Variants in NCAPH2 observed in about 807,000 individuals in gnomAD.
NCAPH2 encodes the protein condensin-2 complex subunit H2.
In NCAPH2, 56 loss-of-function variants were observed where a neutral mutation model predicts 88.6. The ratio of observed to expected loss-of-function variants is 0.63; its 90% CI spans 0.51 to 0.79. NCAPH2 has a LOEUF of 0.79. Ranked by LOEUF, NCAPH2 falls within the 30% of genes least tolerant of loss-of-function variation. The probability of loss-of-function intolerance (pLI) is 0.00; values close to 1 mark genes in which losing one functional copy is unlikely to be tolerated. For missense variants in NCAPH2, 794 were observed against 792.0 expected, an observed-to-expected ratio of 1.00 and a Z score of -0.03; for synonymous variants, 378 against 313.6, an observed-to-expected ratio of 1.21 and a Z score of -2.17.
At position 50,523,100 on chromosome 22, in the gene NCAPH2, T is replaced by C; in HGVS notation, c.1611T>C (p.Phe537=). Residue 537 remains phenylalanine (F), a synonymous_variant, in exon 19 of 20, where the codon TTT becomes TTC. Transcript: ENST00000420993. ...RFPQLNEWCP[F]AELVAGQPAF... Reference sequence around the variant, plus strand: ...CCCAGCTCAATGAGTGGTGTCCCTTTGCGGAGCTGGTGGCTGGCCAGCCGG... The same window carrying C: ...CCCAGCTCAATGAGTGGTGTCCCTTCGCGGAGCTGGTGGCTGGCCAGCCGG... 6.2e-7 allele frequency: 1 copy of C among 1,613,460 alleles called. No individual in the cohort carries two copies. Among genetic ancestry groups the C allele is most frequent in the Non-Finnish European group, 8.5e-7 (1 of 1,179,718 alleles).
chr22:50,522,302 G>A (rs2069127634), intron 14 of NCAPH2, 41 bp from the exon 15 acceptor site: 1 of 1,606,558 alleles, frequency 6.2e-7, no homozygotes, highest in Non-Finnish European at 8.5e-7. Context: ...TGGCCCTGAT[G>A]GGAGGTGACA....
chr22:50,514,720 C>A (rs777027288), intron 1 of NCAPH2, among the ~76,000 whole-genome samples: 2 of 152,218 alleles, frequency 1.3e-5, no homozygotes, highest in Non-Finnish European at 2.9e-5. Flanking sequence ...GAGGTCCTTA[C>A]ACTCCGTAGA....
At position 50,516,488 on chromosome 22, in the gene NCAPH2, A is replaced by G. The variant is rs773238653; in HGVS notation, c.150A>G (p.Thr50=). 5.6e-6 allele frequency: 9 copies of G among 1,614,066 alleles called. No individual in the cohort carries two copies. The East Asian group carries it at 1.8e-4, about 32-fold the overall frequency. The change falls in exon 2 of 20, where the codon ACA becomes ACG. Residue 50 remains threonine, a synonymous_variant. Transcript: ENST00000420993. Reference sequence around the variant, plus strand: ...TTTCTTTTGACGAAGGCAAGACCACAATGAACTTCATTGAGGCAGCGTTGT... The same window carrying G: ...TTTCTTTTGACGAAGGCAAGACCACGATGAACTTCATTGAGGCAGCGTTGT... ...ICISFDEGKT[T]MNFIEAALLI... is the part of the protein sequence containing the mutation.
chr22:50,517,503 C>G (rs1569520546), intron 3 of NCAPH2, 21 bp downstream of exon 3: 1 of 1,614,008 alleles, frequency 6.2e-7, no homozygotes, highest in Non-Finnish European at 8.5e-7. Context: ...CAGCCACTCA[C>G]TGTGCTGCCC....
chr22:50,519,222 G>C lies in NCAPH2; in HGVS notation c.763G>C (p.Gly255Arg). Residue 255 changes from glycine (G) to arginine (R), a missense_variant, in exon 9 of 20, where the codon GGG (glycine) becomes CGG (arginine). Around this residue, in one of 2 missense-constraint regions of NCAPH2, gnomAD observed 735 missense variants for 696.3 expected, o/e 1.06. Coordinates refer to ENST00000420993, the MANE Select transcript of NCAPH2 (RefSeq NM_152299.4). ...PSPEGPMPLGGGEDEDAEEAV... is the reference protein window; with the variant it reads ...PSPEGPMPLGRGEDEDAEEAV... ...TCCAGAAGGCCCGATGCCCCTGGGT[G>C]GGGGCGAGGACGAGGATGCAGAGGA... 1 of 1,610,764 alleles carries C rather than the reference G, an allele frequency of 6.2e-7. No individual in the cohort carries two copies. Among genetic ancestry groups the C allele is most frequent in the South Asian group, 1.1e-5 (1 of 90,420 alleles).
chr22:50,509,404 C>G (rs1037067370), intron 1 of NCAPH2, among the ~76,000 whole-genome samples: 1 of 152,192 alleles, frequency 6.6e-6, no homozygotes, highest in Non-Finnish European at 1.5e-5. Flanking sequence ...TAAACCCCAG[C>G]TTTTCCCATC....
chr22:50,517,519 G>A (rs779301926), intron 3 of NCAPH2, 37 bp downstream of exon 3: 2 of 1,613,948 alleles, frequency 1.2e-6, no homozygotes, highest in Admixed American at 1.7e-5. Flanking sequence ...TGCCCTGCAT[G>A]TGGCCAGGGA....
chr22:50,516,444 C>T lies in NCAPH2; in HGVS notation c.109-3C>T. 6.2e-7 allele frequency: 1 copy of T among 1,613,964 alleles called. No individual in the cohort carries two copies. Among genetic ancestry groups the T allele is most frequent in the Non-Finnish European group, 8.5e-7 (1 of 1,179,828 alleles). On this transcript the variant is annotated splice_region_variant and splice_polypyrimidine_tract_variant and intron_variant, in intron 1 of 19. Transcript: ENST00000420993. ...CCCCCTGTCTTTGTGTTGTTTCTTG[C>T]AGCTGGATCAGATCTGCATTTCTTT...
At position 50,517,744 on chromosome 22, in the gene NCAPH2, C is replaced by T. The variant is rs917909034; in HGVS notation, c.355C>T (p.Leu119=). ...GVPQEAENEF[L]SLDDFPDSRT... ...CACGAGCTCTGTCTCCCTCCAGTTC[C>T]TGTCGCTGGATGACTTCCCTGACTC... The change falls in exon 5 of 20, where the codon CTG becomes TTG. Residue 119 remains leucine (L), a synonymous_variant. Transcript: ENST00000420993. The T allele has an allele frequency of 1.9e-6, 3 of 1,614,076 alleles. No individual in the cohort carries two copies. The highest frequency in any genetic ancestry group is 2.2e-5 in the South Asian group (2 of 91,092).
chr22:50,513,577 G>A (rs1269469943), intron 1 of NCAPH2, among the ~76,000 whole-genome samples: 2 of 152,244 alleles, frequency 1.3e-5, no homozygotes, highest in Non-Finnish European at 2.9e-5. Flanking sequence ...TGACCAGCAT[G>A]GTGAAAACCT....
At chr22:50,514,732 G>A (rs759769895) in intron 1 of NCAPH2, among the ~76,000 whole-genome samples, 2 of 152,148 alleles carry the variant, frequency 1.3e-5, no homozygotes, top group Non-Finnish European at 2.9e-5. Context: ...CTCCGTAGAC[G>A]ACCATGCTGC....
chr22:50,521,878 A>C, intron 12 of NCAPH2, 30 bp downstream of exon 12: 1 of 1,613,436 alleles, frequency 6.2e-7, no homozygotes, highest in Non-Finnish European at 8.5e-7. Context: ...ACTCCGGACC[A>C]CTGGGAGCTG....
chr22:50,523,926 A>G lies in NCAPH2; in HGVS notation c.*551A>G, dbSNP rs2069203559. 2 of 1,613,000 alleles carry G rather than the reference A, an allele frequency of 1.2e-6. No homozygotes were observed. Among genetic ancestry groups the G allele is most frequent in the Middle Eastern group, 1.6e-4 (1 of 6,080 alleles). ...GCTCGGGGTCCACAGTGATGAAGAC[A>G]GGCTGCACTGGAGGCAAACCAGGCT... On this transcript the variant is annotated 3_prime_UTR_variant, in exon 20 of 20. Coordinates refer to ENST00000420993, the MANE Select transcript of NCAPH2 (RefSeq NM_152299.4).
At chr22:50,520,012 A>AG (rs1392993790) in intron 9 of NCAPH2, among the ~76,000 whole-genome samples, 2 of 152,042 alleles carry the variant, frequency 1.3e-5, no homozygotes, top group African/African-American at 4.8e-5. Context: ...CTGGGACTAC[A>AG]GGCGCCCGCC....
rs1243447782 is a variant in NCAPH2, at chr22:50,523,548, A to G, written c.*173A>G. On this transcript the variant is annotated 3_prime_UTR_variant, in exon 20 of 20. Coordinates refer to ENST00000420993, the MANE Select transcript of NCAPH2 (RefSeq NM_152299.4). The stretch of plus-strand genomic sequence containing the variant: ...CCTGGCCTCCCTGGGCCGCTGGTAC[A>G]GATCACACACACACACAGATTAAAC... The G allele has an allele frequency of 6.3e-7, 1 of 1,591,918 alleles. No homozygotes were observed. Among genetic ancestry groups the G allele is most frequent in the East Asian group, 2.3e-5 (1 of 44,386 alleles).
intron 2 of NCAPH2, 26 bp downstream of exon 2, chr22:50,516,574 G>A: frequency 6.2e-7 from 1 of 1,610,182 alleles, no homozygotes; most frequent in Non-Finnish European, 8.5e-7. Context: ...CGCTGGTCTT[G>A]GCATTTTGGT....
At position 50,519,138 on chromosome 22, in the gene NCAPH2, C is replaced by T. The variant is rs1474483774; in HGVS notation, c.731-52C>T. On this transcript the variant is annotated intron_variant, in intron 8 of 19. Transcript: ENST00000420993. ...GTAGCCATCAGGGTCCCTTTGGTGC[C>T]GTCTGGTCTCGGCACTCCTTGGAGC... is the stretch of plus-strand genomic sequence containing the variant. 15 of 1,491,632 alleles carry T rather than the reference C, an allele frequency of 1.0e-5. No homozygotes were observed. In the African/African-American group the frequency reaches 1.4e-4, roughly 14 times the overall value. The allele number at this position is 1,491,632 out of a possible 1,614,324, so 92.4% of individuals were successfully genotyped here.
At chr22:50,519,031 C>T (rs2069006791) in intron 8 of NCAPH2, among the ~76,000 whole-genome samples, 159 bp from the exon 9 acceptor site, 2 of 151,818 alleles carry the variant, frequency 1.3e-5, no homozygotes, top group African/African-American at 2.4e-5. Context: ...CCAAGCAGAG[C>T]ACAGAGCACA....
At chr22:50,513,107 T>C (rs943820756) in intron 1 of NCAPH2, among the ~76,000 whole-genome samples, 2 of 152,370 alleles carry the variant, frequency 1.3e-5, no homozygotes, top group South Asian at 2.1e-4. Context: ...TTTACACATA[T>C]GAATGCAGAG....
Sources: gnomAD v4.1 joint callset for allele counts (sites outside exome capture counted in the v4.1 genomes callset) on GRCh38, gnomAD v4.1.1 for gene constraint, gnomAD v4.1.1 regional missense constraint, MANE v1.5 for transcripts, NCBI Gene and HGNC (gene_info 2026-07-23, HGNC 2026-07-21) for gene names.